Variants in VWC2 observed in about 807,000 individuals in gnomAD.
VWC2 encodes the protein von Willebrand factor C domain containing 2, also known as brorin.
Under a neutral mutation model 29.8 loss-of-function variants are expected in VWC2, and 14 were observed. That is an observed-to-expected ratio of 0.47 (90% CI 0.31 to 0.74). The LOEUF is 0.74. VWC2 is among the 30% of genes least tolerant of loss of function. The pLI is 0.05. For synonymous variants in VWC2, 213 were observed against 199.0 expected (o/e 1.07, Z -0.59); for missense variants, 457 against 459.8 (o/e 0.99, Z 0.05).
chr7:49,782,386 C>T (rs6964761), intron 2 of VWC2, among the ~76,000 whole-genome samples: 1 of 152,100 alleles, frequency 6.6e-6, no homozygotes, highest in African/African-American at 2.4e-5. Context: ...AAAGCAGGTC[C>T]CATGCTCTCC....
At chr7:49,897,881 C>G (rs1430102660) in intron 3 of VWC2, among the ~76,000 whole-genome samples, 2 of 152,206 alleles carry the variant, frequency 1.3e-5, no homozygotes, top group Non-Finnish European at 2.9e-5. Context: ...ACAAGGTTCT[C>G]ACAGTGAATA....
chr7:49,775,944 C>G lies in VWC2; in HGVS notation c.509C>G (p.Ala170Gly). 1 of 1,553,872 alleles carries G rather than the reference C, an allele frequency of 6.4e-7. No individual in the cohort carries two copies. Among genetic ancestry groups the G allele is most frequent in the Non-Finnish European group, 8.7e-7 (1 of 1,151,282 alleles). Residue 170 changes from alanine to glycine, a missense_variant, in exon 2 of 4, where the codon GCG becomes GGG. By Grantham distance (60) the Ala-to-Gly change is moderately conservative. Coordinates refer to ENST00000340652, the MANE Select transcript of VWC2 (RefSeq NM_198570.5). Reference protein sequence around the residue: ...GFVYAIGEKFAPGPSACPCLC... With the variant: ...GFVYAIGEKFGPGPSACPCLC... The stretch of plus-strand genomic sequence containing the variant: ...GTGTACGCGATCGGGGAGAAGTTCG[C>G]GCCGGGCCCCTCGGCCTGCCCGTGC...
Position 49,867,840 on chromosome 7 carries a change from AT to A in VWC2, c.827-44190del, listed in dbSNP as rs140005386. On this transcript the variant is annotated intron_variant, in intron 3 of 3. Coordinates refer to ENST00000340652, the MANE Select transcript of VWC2 (RefSeq NM_198570.5). The stretch of plus-strand genomic sequence containing the variant: ...TTTCTATTTTTTATTTTATTATTTT[AT>A]TTTATTTTTTGAGGTGGAGTCTTGC... Among the ~76,000 whole-genome samples the A allele has an allele frequency of 3.5e-5, 5 of 141,054 alleles. No homozygotes were observed. The East Asian group carries it at 1.3e-3, about 37-fold the overall frequency. The allele number at this position is 141,054 out of a possible 152,430, so 92.5% of individuals were successfully genotyped here.
At chr7:49,838,981 G>C (rs1220317249) in intron 3 of VWC2, among the ~76,000 whole-genome samples, 1 of 152,148 alleles carries the variant, frequency 6.6e-6, no homozygotes, top group Non-Finnish European at 1.5e-5. Flanking sequence ...CTGTGAGGGA[G>C]GTGATAAAGT....
At chr7:49,831,850 T>C (rs934622563) in intron 3 of VWC2, among the ~76,000 whole-genome samples, 24 of 152,194 alleles carry the variant, frequency 1.6e-4, no homozygotes, top group Admixed American at 6.5e-5. Flanking sequence ...AGAAGATCTT[T>C]AAGCAACTCC....
At chr7:49,807,572 C>T (rs2128706811) in intron 3 of VWC2, among the ~76,000 whole-genome samples, 1 of 152,194 alleles carries the variant, frequency 6.6e-6, no homozygotes, top group African/African-American at 2.4e-5. Context: ...AACTGAATAG[C>T]AGTATGGAGA....
intron 3 of VWC2, among the ~76,000 whole-genome samples, chr7:49,829,399 T>A (rs1324579586): frequency 6.6e-6 from 1 of 152,122 alleles, no homozygotes; most frequent in Non-Finnish European, 1.5e-5. Context: ...TGCTCATGAG[T>A]CCCAGTTCTT....
chr7:49,900,824 A>C (rs1792684836), intron 3 of VWC2, among the ~76,000 whole-genome samples: 1 of 151,868 alleles, frequency 6.6e-6, no homozygotes, highest in Non-Finnish European at 1.5e-5. Context: ...AAAACTAAAG[A>C]CTAATATTTC....
chr7:49,826,215 G>A (rs1789388404), intron 3 of VWC2, among the ~76,000 whole-genome samples: 1 of 151,970 alleles, frequency 6.6e-6, no homozygotes, highest in African/African-American at 2.4e-5. Context: ...GCTATCTGGG[G>A]GACAGTTTTT....
chr7:49,791,287 A>C (rs1278649060), intron 2 of VWC2, among the ~76,000 whole-genome samples: 6 of 152,210 alleles, frequency 3.9e-5, no homozygotes, highest in Non-Finnish European at 7.3e-5. Context: ...CCATCTGGTG[A>C]CAGAACTGTG....
chr7:49,830,788 G>A (rs935612843), intron 3 of VWC2, among the ~76,000 whole-genome samples: 53 of 151,970 alleles, frequency 3.5e-4, no homozygotes, highest in African/African-American at 1.1e-3. Context: ...TTGTCCTTGC[G>A]ATAGTTTGCT....
intron 2 of VWC2, among the ~76,000 whole-genome samples, chr7:49,796,872 T>A (rs1343218124): frequency 6.6e-6 from 1 of 152,222 alleles, no homozygotes; most frequent in Non-Finnish European, 1.5e-5. Flanking sequence ...GGAGTGTGAA[T>A]CCCAACTCTC....
chr7:49,815,715 T>G (rs1459173540), intron 3 of VWC2, among the ~76,000 whole-genome samples: 2 of 152,194 alleles, frequency 1.3e-5, no homozygotes, highest in Non-Finnish European at 2.9e-5. Context: ...ACAGTAAAAC[T>G]TTGGTCAAGT....
intron 3 of VWC2, among the ~76,000 whole-genome samples, chr7:49,859,786 GCGTGCACACACACA>G (rs1562736599): frequency 1.5e-5 from 1 of 65,590 alleles, no homozygotes; most frequent in African/African-American, 6.2e-5. Flanking sequence ...CAGTGCGCGT[GCGTGCACACACACA>G]CACACACACA....
chr7:49,837,452 T>TC (rs921428964), intron 3 of VWC2, among the ~76,000 whole-genome samples: 10 of 152,126 alleles, frequency 6.6e-5, no homozygotes, highest in African/African-American at 2.4e-4. Context: ...GACTTTTGGG[T>TC]CCCCCCTTAT....
At chr7:49,902,996 G>A (rs1202973562) in intron 3 of VWC2, among the ~76,000 whole-genome samples, 1 of 151,950 alleles carries the variant, frequency 6.6e-6, no homozygotes, top group Non-Finnish European at 1.5e-5. Context: ...GATATAAAAT[G>A]GCAAATAAAC....
intron 3 of VWC2, among the ~76,000 whole-genome samples, chr7:49,904,707 A>G (rs911875604): frequency 4.0e-5 from 6 of 151,746 alleles, no homozygotes; most frequent in African/African-American, 1.2e-4. Flanking sequence ...TATTTGAAGC[A>G]GGAAAAAATA....
intron 3 of VWC2, among the ~76,000 whole-genome samples, chr7:49,895,796 A>T (rs1203521378): frequency 2.0e-5 from 3 of 152,202 alleles, no homozygotes; most frequent in Non-Finnish European, 4.4e-5. Flanking sequence ...ATGAAAATTA[A>T]GTATAATCAA....
At chr7:49,789,940 C>T (rs532858283) in intron 2 of VWC2, among the ~76,000 whole-genome samples, 62 of 152,356 alleles carry the variant, frequency 4.1e-4, no homozygotes, top group Non-Finnish European at 8.2e-4. Flanking sequence ...TGGCTCCTTG[C>T]AGAGGCGGGG....
Sources: gnomAD v4.1 joint callset for allele counts (sites outside exome capture counted in the v4.1 genomes callset) on GRCh38, gnomAD v4.1.1 for gene constraint, MANE v1.5 for transcripts, NCBI Gene and HGNC (gene_info 2026-07-23, HGNC 2026-07-21) for gene names.